Variants in PLD1 observed in about 807,000 individuals in gnomAD.
PLD1 encodes the protein phospholipase D1, also known as choline phosphatase 1.
Under a neutral mutation model 137.1 loss-of-function variants are expected in PLD1, and 112 were observed. The observed-to-expected ratio is 0.82, with a 90% CI of 0.70 to 0.96. The LOEUF (loss-of-function observed/expected upper bound fraction) is 0.96. Among genes scored for constraint, PLD1 ranks in the 40% least tolerant of loss-of-function variants. The pLI is 0.00. For missense variants in PLD1, 1,321 were observed against 1,342.0 expected (o/e 0.98, Z 0.24); for synonymous variants, 431 against 454.7 (o/e 0.95, Z 0.66).
chr3:171,792,613 G>T (rs1473647150), intron 1 of PLD1: 1 of 456,734 alleles, frequency 2.2e-6, no homozygotes, highest in Non-Finnish European at 4.4e-6. Flanking sequence ...GATGGAGCAA[G>T]TAGCTGCAGG....
intron 21 of PLD1, among the ~76,000 whole-genome samples, chr3:171,657,242 A>G (rs1737290078): frequency 6.6e-6 from 1 of 152,226 alleles, no homozygotes; most frequent in Non-Finnish European, 1.5e-5. Context: ...TCAGTGAGAT[A>G]ATGTAGTTAT....
chr3:171,652,739 C>T (rs568235088), intron 21 of PLD1, among the ~76,000 whole-genome samples: 40 of 149,838 alleles, frequency 2.7e-4, no homozygotes, highest in African/African-American at 9.6e-4. Context: ...TGGCTGGGAC[C>T]ACAGGCATGT....
chr3:171,764,825 G>GAAAA (rs1387154812), intron 1 of PLD1, among the ~76,000 whole-genome samples: 1,009 of 22,760 alleles, frequency 0.044, 265 homozygotes, highest in African/African-American at 0.052. Context: ...AAGAAAGAAA[G>GAAAA]AGAAAGAAAG....
chr3:171,616,108 G>T (rs142597922), intron 24 of PLD1, among the ~76,000 whole-genome samples: 33 of 152,260 alleles, frequency 2.2e-4, no homozygotes, highest in African/African-American at 6.5e-4. Flanking sequence ...TGAGGCTTGG[G>T]TATGTTCTTT....
intron 1 of PLD1, among the ~76,000 whole-genome samples, chr3:171,776,066 G>A (rs188146344): frequency 1.7e-4 from 26 of 152,246 alleles, no homozygotes; most frequent in East Asian, 5.8e-4. Context: ...CTTCATTTGC[G>A]TAAACAAAGG....
chr3:171,663,489 A>G (rs1329576207), intron 19 of PLD1, among the ~76,000 whole-genome samples: 1 of 152,208 alleles, frequency 6.6e-6, no homozygotes, highest in Non-Finnish European at 1.5e-5. Context: ...GTGTAGCAGG[A>G]GGCCTGGTAT....
chr3:171,738,093 A>C lies in PLD1; in HGVS notation c.-31-11T>G. 6.6e-7 allele frequency: 1 copy of C among 1,512,452 alleles called. No individual in the cohort carries two copies. Among genetic ancestry groups the C allele is most frequent in the Non-Finnish European group, 9.0e-7 (1 of 1,109,160 alleles). 93.7% of individuals were successfully genotyped at this position (1,512,452 alleles called of 1,614,324 possible). A position where few individuals can be genotyped will look rare whatever the true frequency, so the allele number is the denominator to read the frequency against. Reference sequence around the variant, plus strand: ...GTAAAAGCAAAGGGGCTAGGAAAGAAGAAAACGGTTACAAAGACTTAGCAT... The same window carrying C: ...GTAAAAGCAAAGGGGCTAGGAAAGACGAAAACGGTTACAAAGACTTAGCAT... On this transcript the variant is annotated splice_polypyrimidine_tract_variant and intron_variant, in intron 1 of 26. Coordinates refer to ENST00000351298, the MANE Select transcript of PLD1 (RefSeq NM_002662.5).
intron 1 of PLD1, among the ~76,000 whole-genome samples, chr3:171,794,150 A>C (rs1212849898): frequency 6.6e-6 from 1 of 152,024 alleles, no homozygotes; most frequent in Non-Finnish European, 1.5e-5. Context: ...ATCTCAAAAA[A>C]AAAAAAAGAA....
chr3:171,635,965 C>CTT lies in PLD1; in HGVS notation c.2593+6873_2593+6874dup, dbSNP rs71178231. ...ATGGTATGAGGTAGGGGTTCAACTT[C>CTT]TTTTTTTTTTTTTTTTTTTTTTTTT... On this transcript the variant is annotated intron_variant, in intron 23 of 26. Coordinates refer to ENST00000351298, the MANE Select transcript of PLD1 (RefSeq NM_002662.5). 2.9e-3 allele frequency among the ~76,000 whole-genome samples: 144 copies of CTT among 49,268 alleles called. 11 individuals are homozygous for CTT. Among genetic ancestry groups the CTT allele is most frequent in the East Asian group, 0.012 (17 of 1,474 alleles). 32.3% of individuals were successfully genotyped at this position (49,268 alleles called of 152,430 possible).
intron 21 of PLD1, among the ~76,000 whole-genome samples, chr3:171,651,228 A>G (rs1344702610): frequency 1.3e-5 from 2 of 152,164 alleles, no homozygotes; most frequent in Non-Finnish European, 2.9e-5. Context: ...GTATTTCATT[A>G]CTGTAAACTT....
Position 171,605,194 on chromosome 3 carries a change from G to A in PLD1, c.3000+105C>T, listed in dbSNP as rs537551260. On this transcript the variant is annotated intron_variant, in intron 26 of 26. Coordinates refer to ENST00000351298, the MANE Select transcript of PLD1 (RefSeq NM_002662.5). ...CCTGGACATGTATTAGCTTTTTTAC[G>A]TTTATTAAGAATACCCTGTACCAAT... 8.8e-5 allele frequency: 67 copies of A among 762,470 alleles called. 1 individual carries two copies. Among genetic ancestry groups the A allele is most frequent in the Admixed American group, 3.6e-4 (18 of 50,448 alleles). The allele number at this position is 762,470 out of a possible 1,614,324, so 47.2% of individuals were successfully genotyped here.
At chr3:171,683,730 C>T (rs1106288) in intron 16 of PLD1, among the ~76,000 whole-genome samples, 26,886 of 152,192 alleles carry the variant, frequency 0.18, 2,502 homozygotes, top group South Asian at 0.24. Flanking sequence ...TTTGTATACA[C>T]AGTTCCCATC....
rs2108272575 is a variant in PLD1 at position 171,612,933 on chromosome 3, C to T, written c.2729-501G>A. 6.6e-6 allele frequency among the ~76,000 whole-genome samples: 1 copy of T among 152,180 alleles called. No homozygotes were observed. The highest frequency in any genetic ancestry group is 6.5e-5 in the Admixed American group (1 of 15,290). On this transcript the variant is annotated intron_variant, in intron 24 of 26. Coordinates refer to ENST00000351298, the MANE Select transcript of PLD1 (RefSeq NM_002662.5). This position sits in a 1 kb window ranked among gnomAD's most constrained non-coding sequence, Gnocchi z 4.1. ...CTGTAATCCCAGTGCTTTGAGAGGC[C>T]AAGGCAGGAGGATCGCTTAAAGCCA...
At position 171,638,340 on chromosome 3, in the gene PLD1, A is replaced by C. The variant is rs79636379; in HGVS notation, c.2593+4500T>G. On this transcript the variant is annotated intron_variant, in intron 23 of 26. Coordinates refer to ENST00000351298, the MANE Select transcript of PLD1 (RefSeq NM_002662.5). The stretch of plus-strand genomic sequence containing the variant: ...ACACTGCGCACTTAGGCTACATTAA[A>C]TTTTTAAATTTATTTAAAAATAAAA... 1.5e-3 allele frequency among the ~76,000 whole-genome samples: 234 copies of C among 152,328 alleles called. 1 individual carries two copies. Among genetic ancestry groups the C allele is most frequent in the African/African-American group, 5.5e-3 (230 of 41,580 alleles).
chr3:171,680,705 C>G (rs1168792554), intron 16 of PLD1, among the ~76,000 whole-genome samples: 1 of 152,140 alleles, frequency 6.6e-6, no homozygotes, highest in East Asian at 1.9e-4. Flanking sequence ...TCCATAAAAT[C>G]AAGTCTTTCC....
chr3:171,777,390 G>A (rs13098743), intron 1 of PLD1, among the ~76,000 whole-genome samples: 17,226 of 152,238 alleles, frequency 0.11, 1,174 homozygotes, highest in Admixed American at 0.15. Context: ...AGCTGCTTGC[G>A]TGTAAGGGAA....
At chr3:171,620,779 T>TATATATA (rs1560151285) in intron 23 of PLD1, among the ~76,000 whole-genome samples, 4 of 128,734 alleles carry the variant, frequency 3.1e-5, no homozygotes, top group African/African-American at 1.3e-4. Flanking sequence ...TTATATATAT[T>TATATATA]TTTTTTTTAA....
intron 1 of PLD1, among the ~76,000 whole-genome samples, chr3:171,810,137 C>G (rs1355543784): frequency 6.6e-6 from 1 of 152,256 alleles, no homozygotes; most frequent in Non-Finnish European, 1.5e-5. Flanking sequence ...CGGCTCTGCG[C>G]TCCAGGCAGC....
At chr3:171,692,276 G>GA (rs1560221921) in intron 13 of PLD1, 56 bp downstream of exon 13, 5 of 863,736 alleles carry the variant, frequency 5.8e-6, no homozygotes, top group South Asian at 5.7e-5. Context: ...AAACATACCT[G>GA]AAAAAATCCT....
Sources: gnomAD v4.1 joint callset for allele counts (sites outside exome capture counted in the v4.1 genomes callset) on GRCh38, gnomAD v4.1.1 for gene constraint, Gnocchi (gnomAD v3.1) non-coding constraint, MANE v1.5 for transcripts, NCBI Gene and HGNC (gene_info 2026-07-23, HGNC 2026-07-21) for gene names.